Variants in TTL observed in about 807,000 individuals in gnomAD.
TTL encodes the protein tubulin--tyrosine ligase.
Under a neutral mutation model 41.1 loss-of-function variants are expected in TTL, and 10 were observed. The ratio of observed to expected loss-of-function variants is 0.24; its 90% confidence interval spans 0.15 to 0.41. TTL has a LOEUF of 0.41. Among genes scored for constraint, TTL ranks in the 10% least tolerant of loss-of-function variants. The pLI, the probability that TTL is intolerant of heterozygous loss-of-function variation, is 1.00. For missense variants in TTL, 367 were observed against 460.4 expected, an observed-to-expected ratio of 0.80 and a Z score of 1.86; for synonymous variants, 175 against 175.5, an observed-to-expected ratio of 1.00 and a Z score of 0.02.
In TTL at chr2:112,531,597, A is replaced by G. The variant is rs1428529265; in HGVS notation, c.*2802A>G. On this transcript the variant is annotated 3_prime_UTR_variant, in exon 7 of 7. Coordinates refer to ENST00000233336, the MANE Select transcript of TTL (RefSeq NM_153712.5). The stretch of plus-strand genomic sequence containing the variant: ...GGACAGTTAAATCAGAACCTCAGAC[A>G]GCAATATGCCTTGAGATGCCTTGAA... The G allele has an allele frequency of 8.7e-6, 2 of 229,046 alleles. No homozygotes were observed. Among genetic ancestry groups the G allele is most frequent in the Non-Finnish European group, 1.7e-5 (2 of 115,388 alleles). 14.2% of individuals were successfully genotyped at this position (229,046 alleles called of 1,614,324 possible).
Position 112,501,211 on chromosome 2 carries a change from G to C in TTL, c.475G>C (p.Gly159Arg), listed in dbSNP as rs929970394. 45 of 1,609,572 alleles carry C rather than the reference G, an allele frequency of 2.8e-5. No individual in the cohort carries two copies. Among genetic ancestry groups the C allele is most frequent in the Non-Finnish European group, 3.1e-5 (37 of 1,178,658 alleles). Residue 159 changes from glycine to arginine, a missense_variant, in exon 4 of 7, where the codon GGC (glycine) becomes CGC (arginine). Gly to Arg is a moderately radical substitution (Grantham distance 125, BLOSUM62 -2). Transcript: ENST00000233336. ...AKSSAGAKGE[G>R]ILISSEASEL... ...TTTTGCTTTTTCCCTGTTAGGTGAA[G>C]GCATTCTCATCTCCTCAGAGGCTTC...
At chr2:112,521,621 C>T (rs2104474633) in intron 6 of TTL, among the ~76,000 whole-genome samples, 1 of 152,334 alleles carries the variant, frequency 6.6e-6, no homozygotes, top group East Asian at 1.9e-4. Flanking sequence ...TTGCATGATT[C>T]CATCTTGTTC....
At chr2:112,512,316 G>A (rs879796946) in intron 5 of TTL, among the ~76,000 whole-genome samples, 1 of 150,894 alleles carries the variant, frequency 6.6e-6, no homozygotes, top group African/African-American at 2.4e-5. Context: ...AGGCTGGAGT[G>A]CAGTGGCGTG....
chr2:112,513,449 CTT>C (rs1326687825), intron 5 of TTL, among the ~76,000 whole-genome samples: 2 of 151,836 alleles, frequency 1.3e-5, no homozygotes, highest in East Asian at 3.9e-4. Flanking sequence ...GACTCTCTCT[CTT>C]ATGCATTTTT....
intron 5 of TTL, among the ~76,000 whole-genome samples, chr2:112,517,221 T>A (rs1682095938): frequency 6.6e-6 from 1 of 151,960 alleles, no homozygotes; most frequent in Non-Finnish European, 1.5e-5. Context: ...TTTCTTTATG[T>A]TGGAATGTAA....
In TTL at chr2:112,520,418, T is replaced by C; in HGVS notation, c.1012T>C (p.Cys338Arg). Residue 338 changes from cysteine to arginine, a missense_variant, in exon 6 of 7, where the codon TGT becomes CGT. Physicochemically the swap from Cys to Arg is radical, Grantham distance 180. Coordinates refer to ENST00000233336, the MANE Select transcript of TTL (RefSeq NM_153712.5). The stretch of plus-strand genomic sequence containing the variant: ...CATTGAGGTCAACGGTGCCCCTGCA[T>C]GTGCTCAGTAAGCCTGCACGTCATT... Reference protein sequence around the residue: ...WLIEVNGAPACAQKLYAELCQ... With the variant: ...WLIEVNGAPARAQKLYAELCQ... 1 of 1,613,844 alleles carries C rather than the reference T, an allele frequency of 6.2e-7. No homozygotes were observed.
At chr2:112,522,460 G>T (rs1682265556) in intron 6 of TTL, 1 of 152,546 alleles carries the variant, frequency 6.6e-6, no homozygotes, top group Non-Finnish European at 1.5e-5. Flanking sequence ...GTCATGGCTG[G>T]ACACGTGGTG....
intron 6 of TTL, among the ~76,000 whole-genome samples, chr2:112,523,600 C>G (rs1682299004): frequency 6.6e-6 from 1 of 151,928 alleles, no homozygotes; most frequent in African/African-American, 2.4e-5. Context: ...CTGGGTAGGG[C>G]CTGCCCCTGT....
At chr2:112,524,872 A>G (rs369505417) in intron 6 of TTL, among the ~76,000 whole-genome samples, 3 of 152,198 alleles carry the variant, frequency 2.0e-5, no homozygotes, top group East Asian at 1.9e-4. Context: ...TCCCATGCCT[A>G]TGTCCTGAAT....
In TTL at chr2:112,521,287, C is replaced by T. The variant is rs141464122; in HGVS notation, c.1019+862C>T. The T allele has an allele frequency of 2.1e-3, 2,099 of 985,278 alleles. 3 individuals carry two copies. The highest frequency in any genetic ancestry group is 0.014 in the Middle Eastern group (27 of 1,914). The allele number at this position is 985,278 out of a possible 1,614,324, so 61.0% of individuals were successfully genotyped here. Reference sequence around the variant, plus strand: ...TGCTCTCCGGAACTTCTGCTTCTCTCGGGAGAAGGCTGGTTGTAGCATGAG... The same window carrying T: ...TGCTCTCCGGAACTTCTGCTTCTCTTGGGAGAAGGCTGGTTGTAGCATGAG... On this transcript the variant is annotated intron_variant, in intron 6 of 6. Transcript: ENST00000233336.
rs1223909683 is a variant in TTL, at chr2:112,538,085, A to C, written c.*9290A>C. 6.6e-6 allele frequency: 1 copy of C among 152,256 alleles called. No individual in the cohort carries two copies. The highest frequency in any genetic ancestry group is 2.4e-5 in the African/African-American group (1 of 41,468). The allele number at this position is 152,256 out of a possible 1,614,324, so 9.4% of individuals were successfully genotyped here. A position where few individuals can be genotyped will look rare whatever the true frequency, so the allele number is the denominator to read the frequency against. ...AATTTTGTTAATTTCTGTATTAATG[A>C]AGAAATATACAAGTAAAGAGGTTGG... On this transcript the variant is annotated 3_prime_UTR_variant, in exon 7 of 7. Transcript: ENST00000233336.
At chr2:112,514,094 C>T (rs1318218739) in intron 5 of TTL, among the ~76,000 whole-genome samples, 3 of 152,084 alleles carry the variant, frequency 2.0e-5, no homozygotes, top group Admixed American at 6.6e-5. Context: ...TTAAGAAACT[C>T]ATTTTTAGGC....
intron 3 of TTL, among the ~76,000 whole-genome samples, chr2:112,494,842 C>T (rs998537209): frequency 2.0e-5 from 3 of 152,110 alleles, no homozygotes; most frequent in African/African-American, 7.2e-5. Context: ...TATTTCTTGC[C>T]GTTTCCCCTG....
chr2:112,490,529 T>C (rs1035779346), intron 2 of TTL, among the ~76,000 whole-genome samples: 8 of 150,630 alleles, frequency 5.3e-5, no homozygotes, highest in African/African-American at 1.7e-4. Context: ...TAAAATGAAG[T>C]AGTAAAGGAA....
rs1682534616 is a variant in TTL at position 112,532,674 on chromosome 2, C to T, written c.*3879C>T. 1 of 179,262 alleles carries T rather than the reference C, an allele frequency of 5.6e-6. No homozygotes were observed. The highest frequency in any genetic ancestry group is 2.4e-5 in the African/African-American group (1 of 42,328). The allele number at this position is 179,262 out of a possible 1,614,324, so 11.1% of individuals were successfully genotyped here. On this transcript the variant is annotated 3_prime_UTR_variant, in exon 7 of 7. Coordinates refer to ENST00000233336, the MANE Select transcript of TTL (RefSeq NM_153712.5). Reference sequence around the variant, plus strand: ...CATGATGCCGTTACTCAGGGGTAGACAGACTTTCTGTAAAAGGCCAGATAA... The same window carrying T: ...CATGATGCCGTTACTCAGGGGTAGATAGACTTTCTGTAAAAGGCCAGATAA...
intron 4 of TTL, among the ~76,000 whole-genome samples, chr2:112,502,183 C>CA (rs1178799511): frequency 6.6e-6 from 1 of 152,200 alleles, no homozygotes; most frequent in South Asian, 2.1e-4. Context: ...GCCTTGCTGT[C>CA]AGCTCATTGC....
chr2:112,514,726 T>G (rs1193511581), intron 5 of TTL, among the ~76,000 whole-genome samples: 1 of 152,234 alleles, frequency 6.6e-6, no homozygotes, highest in Non-Finnish European at 1.5e-5. Flanking sequence ...TCATAGTGCT[T>G]CTTGCACCGT....
rs536779769 is a variant in TTL at position 112,495,657 on chromosome 2, C to T, written c.469+1282C>T. On this transcript the variant is annotated intron_variant, in intron 3 of 6. Transcript: ENST00000233336. ...GGTCAGGAGATTGAGACCATCCTGG[C>T]TAACACGGTGAAACCCCGTCTCTAC... 2.3e-3 allele frequency among the ~76,000 whole-genome samples: 351 copies of T among 152,234 alleles called. 1 individual carries two copies. Among genetic ancestry groups the T allele is most frequent in the African/African-American group, 8.1e-3 (338 of 41,502 alleles).
intron 6 of TTL, among the ~76,000 whole-genome samples, chr2:112,526,953 C>A (rs1682388990): frequency 6.6e-6 from 1 of 152,210 alleles, no homozygotes; most frequent in Non-Finnish European, 1.5e-5. Flanking sequence ...CTACCCACTG[C>A]TTTAAATGTG....
Sources: allele counts gnomAD v4.1 joint callset (sites outside exome capture counted in the v4.1 genomes callset), GRCh38; gene constraint gnomAD v4.1.1; transcripts MANE v1.5; gene names NCBI Gene and HGNC (gene_info 2026-07-23, HGNC 2026-07-21).